TRPM3: variants seen among roughly 807,000 people sequenced by gnomAD.
TRPM3 encodes long transient receptor potential channel 3.
A neutral mutation model predicts 181.2 loss-of-function variants in TRPM3; 77 were observed. The observed-to-expected ratio is 0.42, with a 90% CI of 0.35 to 0.51. The LOEUF is 0.51. TRPM3 is among the 20% of genes least tolerant of loss of function. The pLI, the probability that TRPM3 is intolerant of heterozygous loss-of-function variation, is 0.01. For synonymous variants in TRPM3, 745 were observed against 796.4 expected, an observed-to-expected ratio of 0.94 and a Z score of 1.09; for missense variants, 1,759 against 2,196.7, an observed-to-expected ratio of 0.80 and a Z score of 3.98.
chr9:71,252,847 C>CT (rs11417438), intron 1 of TRPM3, among the ~76,000 whole-genome samples: 51,779 of 84,850 alleles, frequency 0.61, 17,697 homozygotes, highest in Middle Eastern at 0.76. Context: ...AATTTTGTCT[C>CT]TTTTTTTTTT....
chr9:71,401,648 T>C (rs547305279), intron 1 of TRPM3, among the ~76,000 whole-genome samples: 14 of 152,312 alleles, frequency 9.2e-5, no homozygotes, highest in African/African-American at 3.1e-4. Flanking sequence ...TGTAATAATA[T>C]TAATACATAC....
chr9:70,918,917 G>C (rs1030760286), intron 1 of TRPM3, among the ~76,000 whole-genome samples: 2 of 151,762 alleles, frequency 1.3e-5, no homozygotes, highest in Admixed American at 1.3e-4. Context: ...TTTTTCTCTT[G>C]GTGGCCATTA....
chr9:71,056,234 C>T (rs556777618), intron 1 of TRPM3, among the ~76,000 whole-genome samples: 1 of 152,062 alleles, frequency 6.6e-6, no homozygotes, highest in East Asian at 2.0e-4. Context: ...ACAAAGCACT[C>T]ATTGTCTGTG....
chr9:70,603,599 T>A, intron 19 of TRPM3, 129 bp from the exon 20 acceptor site: 1 of 928,486 alleles, frequency 1.1e-6, no homozygotes, highest in Non-Finnish European at 1.6e-6. Context: ...AAAAGGAACT[T>A]GAAGGTGCTA....
At chr9:71,102,284 G>T (rs1238476769) in intron 1 of TRPM3, among the ~76,000 whole-genome samples, 4 of 152,162 alleles carry the variant, frequency 2.6e-5, no homozygotes, top group Non-Finnish European at 4.4e-5. Context: ...TCTAAGGGCT[G>T]AGAATGAATT....
chr9:71,028,800 C>A (rs1467622686), intron 1 of TRPM3, among the ~76,000 whole-genome samples: 1 of 152,124 alleles, frequency 6.6e-6, no homozygotes, highest in Non-Finnish European at 1.5e-5. Context: ...CACCCAGATT[C>A]ATAAAGCAAG....
intron 1 of TRPM3, among the ~76,000 whole-genome samples, chr9:71,067,524 G>A (rs557727638): frequency 6.6e-6 from 1 of 151,986 alleles, no homozygotes; most frequent in East Asian, 1.9e-4. Flanking sequence ...AAATCCTGGC[G>A]AATAAATCAT....
intron 1 of TRPM3, among the ~76,000 whole-genome samples, chr9:71,186,540 T>C (rs2077691334): frequency 6.6e-6 from 1 of 151,956 alleles, no homozygotes; most frequent in Non-Finnish European, 1.5e-5. Context: ...TGAATTTGCC[T>C]CCAGAAAGAC....
intron 1 of TRPM3, among the ~76,000 whole-genome samples, chr9:71,375,103 T>C (rs1387033321): frequency 6.6e-6 from 1 of 152,076 alleles, no homozygotes; most frequent in African/African-American, 2.4e-5. Flanking sequence ...TTAATATTCA[T>C]ATGGAACCAA....
Position 70,529,341 on chromosome 9 carries a change from C to T in TRPM3, c.*6612G>A, listed in dbSNP as rs1224832694. 1 of 152,052 alleles carries T rather than the reference C, an allele frequency of 6.6e-6. No individual in the cohort carries two copies. Among genetic ancestry groups the T allele is most frequent in the East Asian group, 1.9e-4 (1 of 5,194 alleles). 9.4% of individuals were successfully genotyped at this position (152,052 alleles called of 1,614,324 possible). On this transcript the variant is annotated 3_prime_UTR_variant, in exon 26 of 26. Transcript: ENST00000677713. The stretch of plus-strand genomic sequence containing the variant: ...TATTCAGCAAACCCAATTTTAAAAC[C>T]ATTGTATTTGTAGGAATTCATTTAA...
intron 1 of TRPM3, among the ~76,000 whole-genome samples, chr9:71,293,434 A>C (rs1288560445): frequency 6.6e-6 from 1 of 151,934 alleles, no homozygotes; most frequent in East Asian, 1.9e-4. Context: ...TAAATACAAC[A>C]AATTAGAAAA....
At chr9:71,131,381 G>A (rs2074364196) in intron 1 of TRPM3, among the ~76,000 whole-genome samples, 1 of 152,134 alleles carries the variant, frequency 6.6e-6, no homozygotes, top group Non-Finnish European at 1.5e-5. Context: ...GTACTTTTCA[G>A]AATTGGTAGC....
chr9:70,611,937 C>T lies in TRPM3; in HGVS notation c.2527-1188G>A, dbSNP rs182411923. 1.3e-3 allele frequency among the ~76,000 whole-genome samples: 202 copies of T among 152,282 alleles called. 1 individual carries two copies. Among genetic ancestry groups the T allele is most frequent in the African/African-American group, 4.2e-3 (174 of 41,556 alleles). On this transcript the variant is annotated intron_variant, in intron 18 of 25. Coordinates refer to ENST00000677713, the MANE Select transcript of TRPM3 (RefSeq NM_001366145.2). ...AGTTCCAGGCCCTGGGTCACTCAGA[C>T]GGGAGACTGAATCCTAACTCAGACA...
intron 1 of TRPM3, among the ~76,000 whole-genome samples, chr9:71,283,834 C>T (rs981256751): frequency 2.6e-5 from 4 of 152,310 alleles, no homozygotes; most frequent in East Asian, 3.9e-4. Flanking sequence ...AAGTCAAGTG[C>T]CCTATCTAAT....
intron 1 of TRPM3, among the ~76,000 whole-genome samples, chr9:71,105,297 T>A (rs571269352): frequency 6.6e-6 from 1 of 152,272 alleles, no homozygotes. Flanking sequence ...CAATCAGATG[T>A]GGCCATGAGA....
At chr9:71,289,316 C>T (rs1368867270) in intron 1 of TRPM3, among the ~76,000 whole-genome samples, 1 of 152,038 alleles carries the variant, frequency 6.6e-6, no homozygotes, top group African/African-American at 2.4e-5. Flanking sequence ...AAATTGACCT[C>T]AACGTTTTAA....
chr9:71,113,304 T>G (rs550704471), intron 1 of TRPM3, among the ~76,000 whole-genome samples: 1 of 152,216 alleles, frequency 6.6e-6, no homozygotes, highest in South Asian at 2.1e-4. Flanking sequence ...CAGAACTGAT[T>G]GGCTAATTAC....
rs12378267 is a variant in TRPM3 at position 70,834,351 on chromosome 9, A to C, written c.802-6333T>G. Among the ~76,000 whole-genome samples, 4 of 152,114 alleles carry C rather than the reference A, an allele frequency of 2.6e-5. No homozygotes were observed. The East Asian group carries it at 7.7e-4, about 29-fold the overall frequency. The stretch of plus-strand genomic sequence containing the variant: ...ACAAATGGACTTGCTCCCTTTGCCC[A>C]GTCCTGAGGGGAACCCTTTACCATT... On this transcript the variant is annotated intron_variant, in intron 5 of 25. Coordinates refer to ENST00000677713, the MANE Select transcript of TRPM3 (RefSeq NM_001366145.2).
intron 1 of TRPM3, among the ~76,000 whole-genome samples, chr9:71,433,133 A>T (rs963020935): frequency 2.0e-5 from 3 of 152,136 alleles, no homozygotes; most frequent in Non-Finnish European, 4.4e-5. Flanking sequence ...TTCATGCTTC[A>T]CTGGTACTTC....
Sources: gnomAD v4.1 joint callset for allele counts (sites outside exome capture counted in the v4.1 genomes callset) on GRCh38, gnomAD v4.1.1 for gene constraint, MANE v1.5 for transcripts, NCBI Gene and HGNC (gene_info 2026-07-23, HGNC 2026-07-21) for gene names.